Variants in DNM3 observed in about 807,000 individuals in gnomAD.
The protein encoded by DNM3 is dynamin 3, also known as dynamin-3.
Under a neutral mutation model 101.6 loss-of-function variants are expected in DNM3, and 47 were observed. The observed-to-expected ratio is 0.46, with a 90% CI of 0.37 to 0.59. DNM3 has a LOEUF of 0.59. Ranked by LOEUF, DNM3 falls within the 20% of genes least tolerant of loss-of-function variation. The pLI is 0.00. For missense variants in DNM3, 849 were observed against 1,085.7 expected (o/e 0.78, Z 3.06); for synonymous variants, 385 against 387.9 (o/e 0.99, Z 0.09).
Position 172,410,831 on chromosome 1 carries a change from G to A in DNM3, c.*2990G>A. On this transcript the variant is annotated 3_prime_UTR_variant, in exon 21 of 21. Coordinates refer to ENST00000627582, the MANE Select transcript of DNM3 (RefSeq NM_015569.5). ...AAAAGTGGTCACATAGATTAATTTTGTGACTTTTTAGTATAGACTGTAGCC... is the reference window on the plus strand; with the variant it reads ...AAAAGTGGTCACATAGATTAATTTTATGACTTTTTAGTATAGACTGTAGCC... 4.1e-6 allele frequency: 4 copies of A among 985,190 alleles called. No individual in the cohort carries two copies. Among genetic ancestry groups the A allele is most frequent in the Non-Finnish European group, 4.8e-6 (4 of 829,800 alleles). 61.0% of individuals were successfully genotyped at this position (985,190 alleles called of 1,614,324 possible). A position where few individuals can be genotyped will look rare whatever the true frequency, so the allele number is the denominator to read the frequency against.
At chr1:171,935,124 T>C (rs1445121069) in intron 2 of DNM3, among the ~76,000 whole-genome samples, 3 of 152,038 alleles carry the variant, frequency 2.0e-5, no homozygotes, top group Non-Finnish European at 4.4e-5. Context: ...TTGTATATTT[T>C]ATAGTATATT....
At chr1:172,237,586 T>C (rs1429015050) in intron 14 of DNM3, among the ~76,000 whole-genome samples, 1 of 152,150 alleles carries the variant, frequency 6.6e-6, no homozygotes, top group Admixed American at 6.6e-5. Flanking sequence ...AAAACTTGGG[T>C]AATGTACAAA....
At chr1:171,928,394 A>G (rs2040746706) in intron 2 of DNM3, among the ~76,000 whole-genome samples, 1 of 152,000 alleles carries the variant, frequency 6.6e-6, no homozygotes, top group Non-Finnish European at 1.5e-5. Flanking sequence ...GGACCTTAGT[A>G]GTGATTGTGG....
At position 172,394,736 on chromosome 1, in the gene DNM3, G is replaced by A. The variant is rs563466840; in HGVS notation, c.2522+5927G>A. Among the ~76,000 whole-genome samples the A allele has an allele frequency of 8.5e-5, 13 of 152,346 alleles. No homozygotes were observed. In the East Asian group the frequency reaches 2.3e-3, roughly 27 times the overall value. ...AAACAGCCAAGACAGGAGTCTGGCA[G>A]AGAAGCCACTGGCCAGTGAAAAATG... is the stretch of plus-strand genomic sequence containing the variant. On this transcript the variant is annotated intron_variant, in intron 20 of 20. Transcript: ENST00000627582.
chr1:172,048,584 C>T (rs1205452860), intron 9 of DNM3, 28 bp from the exon 10 acceptor site: 1 of 1,580,208 alleles, frequency 6.3e-7, no homozygotes, highest in South Asian at 1.2e-5. Context: ...AAAAAAATCT[C>T]ATGGGCTGCT....
At chr1:171,980,507 T>G (rs937753425) in intron 2 of DNM3, among the ~76,000 whole-genome samples, 2 of 152,092 alleles carry the variant, frequency 1.3e-5, no homozygotes, top group African/African-American at 4.8e-5. Context: ...TTTATTATTC[T>G]TAACTGTAGT....
chr1:171,979,531 A>G (rs905609912), intron 2 of DNM3, among the ~76,000 whole-genome samples: 9 of 152,218 alleles, frequency 5.9e-5, no homozygotes, highest in African/African-American at 2.2e-4. Flanking sequence ...GGAAAAAAAT[A>G]TAGAACTAAG....
chr1:172,348,094 T>C (rs2067028215), intron 17 of DNM3, among the ~76,000 whole-genome samples: 1 of 151,866 alleles, frequency 6.6e-6, no homozygotes, highest in Non-Finnish European at 1.5e-5. Flanking sequence ...TTACTTTGAG[T>C]GGGAGAGGCA....
chr1:172,007,567 C>G (rs1192581034), intron 4 of DNM3, among the ~76,000 whole-genome samples: 1 of 152,072 alleles, frequency 6.6e-6, no homozygotes, highest in African/African-American at 2.4e-5. Flanking sequence ...GCTTTCTCAT[C>G]TATAGTTTAT....
At chr1:172,100,416 G>A (rs1312696453) in intron 13 of DNM3, among the ~76,000 whole-genome samples, 2 of 152,146 alleles carry the variant, frequency 1.3e-5, no homozygotes, top group Admixed American at 1.3e-4. Context: ...ATGTCCCCTA[G>A]TTCTTCAACC....
chr1:171,928,577 C>T (rs1024645821), intron 2 of DNM3, among the ~76,000 whole-genome samples: 1 of 152,098 alleles, frequency 6.6e-6, no homozygotes, highest in Admixed American at 6.5e-5. Context: ...GACAGTCTGG[C>T]CTTCCTCCTT....
chr1:172,252,954 T>A (rs971324499), intron 14 of DNM3, among the ~76,000 whole-genome samples: 1 of 152,148 alleles, frequency 6.6e-6, no homozygotes, highest in African/African-American at 2.4e-5. Context: ...TATGGAATAA[T>A]TCTTTTTCAG....
intron 13 of DNM3, among the ~76,000 whole-genome samples, chr1:172,096,009 C>T (rs2054222185): frequency 6.6e-6 from 1 of 152,066 alleles, no homozygotes; most frequent in Non-Finnish European, 1.5e-5. Flanking sequence ...CAATCACAGG[C>T]CTCACCCTCA....
rs545057661 is a variant in DNM3 at position 172,407,255 on chromosome 1, C to A, written c.2523-517C>A. ...CTATTTACACTTGCTACAGAGAACT[C>A]TAAAGACTTGCTTTTCTGATTTTTA... On this transcript the variant is annotated intron_variant, in intron 20 of 20. Coordinates refer to ENST00000627582, the MANE Select transcript of DNM3 (RefSeq NM_015569.5). Among the ~76,000 whole-genome samples the A allele has an allele frequency of 6.6e-5, 10 of 151,990 alleles. No individual in the cohort carries two copies. In the South Asian group the frequency reaches 2.1e-3, roughly 32 times the overall value.
intron 15 of DNM3, among the ~76,000 whole-genome samples, chr1:172,303,910 A>G (rs1333983788): frequency 6.6e-6 from 1 of 152,190 alleles, no homozygotes; most frequent in African/African-American, 2.4e-5. Context: ...AACTGGTACC[A>G]GACATTGCAA....
At chr1:172,197,572 T>C (rs2059999604) in intron 14 of DNM3, among the ~76,000 whole-genome samples, 1 of 152,154 alleles carries the variant, frequency 6.6e-6, no homozygotes, top group Admixed American at 6.6e-5. Flanking sequence ...GTTTGTGTCT[T>C]CTCTGATTTC....
intron 15 of DNM3, among the ~76,000 whole-genome samples, chr1:172,279,946 T>A (rs1427947376): frequency 6.6e-6 from 1 of 152,092 alleles, no homozygotes; most frequent in Admixed American, 6.6e-5. Context: ...GTCCGTGTAT[T>A]TTTCCATCAA....
chr1:172,105,295 C>A (rs1217917862), intron 13 of DNM3, among the ~76,000 whole-genome samples: 1 of 152,158 alleles, frequency 6.6e-6, no homozygotes, highest in Non-Finnish European at 1.5e-5. Context: ...CTACAGCAAC[C>A]CTGTGAAACA....
At chr1:172,044,578 A>G in intron 9 of DNM3, 126 bp downstream of exon 9, 1 of 759,000 alleles carries the variant, frequency 1.3e-6, no homozygotes, top group Non-Finnish European at 2.1e-6. Flanking sequence ...GGAGTAAGAA[A>G]CAGGAAATCC....
Sources: allele counts gnomAD v4.1 joint callset (sites outside exome capture counted in the v4.1 genomes callset), GRCh38; gene constraint gnomAD v4.1.1; transcripts MANE v1.5; gene names NCBI Gene and HGNC (gene_info 2026-07-23, HGNC 2026-07-21).